Variants in FAM135A observed in about 807,000 individuals in gnomAD.
FAM135A encodes family with sequence similarity 135 member A.
FAM135A carries 79 observed loss-of-function variants against 146.8 expected under a neutral mutation model. The observed-to-expected ratio is 0.54, with a 90% CI of 0.45 to 0.65. The LOEUF is 0.65. Among genes scored for constraint, FAM135A ranks in the 30% least tolerant of loss-of-function variants. FAM135A has a pLI of 0.00. For synonymous variants in FAM135A, 562 were observed against 603.6 expected (o/e 0.93, Z 1.01); for missense variants, 1,623 against 1,758.2 (o/e 0.92, Z 1.38).
intron 4 of FAM135A, among the ~76,000 whole-genome samples, chr6:70,449,605 G>A (rs1776601120): frequency 6.6e-6 from 1 of 151,954 alleles, no homozygotes; most frequent in Admixed American, 6.6e-5. Context: ...AAGGCTATAT[G>A]TAGTATTCTG....
chr6:70,439,284 C>A (rs1773919936), intron 4 of FAM135A, among the ~76,000 whole-genome samples: 1 of 152,148 alleles, frequency 6.6e-6, no homozygotes, highest in Non-Finnish European at 1.5e-5. Flanking sequence ...CACTGGTGGT[C>A]TTGGAGTTTA....
chr6:70,496,939 T>C (rs2128234665), intron 11 of FAM135A, among the ~76,000 whole-genome samples: 1 of 152,302 alleles, frequency 6.6e-6, no homozygotes, highest in South Asian at 2.1e-4. Context: ...TCTGGTAGCG[T>C]TATGCCTCCA....
intron 2 of FAM135A, among the ~76,000 whole-genome samples, chr6:70,416,672 T>A (rs1278736908): frequency 6.6e-6 from 1 of 152,128 alleles, no homozygotes; most frequent in Non-Finnish European, 1.5e-5. Context: ...ATGCCTGTAA[T>A]TCTAGCACTT....
At chr6:70,489,054 T>C (rs967974085) in intron 10 of FAM135A, among the ~76,000 whole-genome samples, 1 of 152,216 alleles carries the variant, frequency 6.6e-6, no homozygotes, top group African/African-American at 2.4e-5. Flanking sequence ...TACCCATTTA[T>C]GCAGTTAGGT....
intron 20 of FAM135A, among the ~76,000 whole-genome samples, chr6:70,543,668 A>C (rs1277904883): frequency 2.6e-5 from 4 of 152,220 alleles, no homozygotes; most frequent in Admixed American, 2.6e-4. Context: ...GGAGCTATGG[A>C]GTTCATACCC....
At chr6:70,416,800 T>C (rs1212848812) in intron 2 of FAM135A, among the ~76,000 whole-genome samples, 1 of 152,154 alleles carries the variant, frequency 6.6e-6, no homozygotes, top group African/African-American at 2.4e-5. Flanking sequence ...AGAATGGTAA[T>C]ATAGAAGAAA....
intron 11 of FAM135A, among the ~76,000 whole-genome samples, chr6:70,491,502 A>G (rs1785970887): frequency 6.6e-6 from 1 of 151,902 alleles, no homozygotes; most frequent in Non-Finnish European, 1.5e-5. Context: ...AATTGAATAT[A>G]TTTGCCTTTC....
rs1356384752 is a variant in FAM135A at position 70,524,964 on chromosome 6, T to C, written c.1880T>C (p.Ile627Thr). 5 of 1,604,440 alleles carry C rather than the reference T, an allele frequency of 3.1e-6. No homozygotes were observed. The Admixed American group carries it at 6.9e-5, about 22-fold the overall frequency. The change falls in exon 15 of 22, where the codon ATT (isoleucine) becomes ACT (threonine). Residue 627 changes from isoleucine (I) to threonine (T), a missense_variant. Transcript: ENST00000418814. Reference sequence around the variant, plus strand: ...GATATCTCCCAGGACGATAGTGAAATTACACAAATGGAACACAATCTGGCA... The same window carrying C: ...GATATCTCCCAGGACGATAGTGAAACTACACAAATGGAACACAATCTGGCA... ...KLDISQDDSE[I>T]TQMEHNLASR... is the part of the protein sequence containing the mutation.
Position 70,482,083 on chromosome 6 carries a change from C to T in FAM135A, c.752C>T (p.Ala251Val), listed in dbSNP as rs1178761138. The stretch of plus-strand genomic sequence containing the variant: ...ACACTTTGTGCCACTTTGCTGCTAG[C>T]CTTCAAGGGATTGCACAGCTACTTC... ...HYTLCATLLL[A>V]FKGLHSYFIT... The change falls in exon 10 of 22, where the codon GCC becomes GTC. Residue 251 changes from alanine (A) to valine (V), a missense_variant. By Grantham distance (64) the Ala-to-Val change is moderately conservative. This residue lies in a region of FAM135A where 206 missense variants were observed against 194.7 expected (regional missense o/e 1.06). Transcript: ENST00000418814. 6.2e-7 allele frequency: 1 copy of T among 1,613,796 alleles called. No homozygotes were observed.
At chr6:70,486,294 T>C in intron 10 of FAM135A, 1 of 1,554,598 alleles carries the variant, frequency 6.4e-7, no homozygotes, top group East Asian at 2.3e-5. Context: ...TTAAAAAGTA[T>C]GAAATTTTGC....
In FAM135A at chr6:70,477,191, G is replaced by A. The variant is rs369747857; in HGVS notation, c.401G>A (p.Ser134Asn). Residue 134 changes from serine to asparagine, a missense_variant, in exon 8 of 22, where the codon AGT becomes AAT. Transcript: ENST00000418814. Reference protein sequence around the residue: ...ADDLNALQLISSRTLKLHFSP... With the variant: ...ADDLNALQLINSRTLKLHFSP... ...GATCTGAATGCCTTGCAACTAATAA[G>A]TAGCCGAACATTGAAGCTGCACTTT... The A allele has an allele frequency of 6.2e-7, 1 of 1,613,482 alleles. No individual in the cohort carries two copies.
chr6:70,509,748 T>G, intron 12 of FAM135A, among the ~76,000 whole-genome samples: 1 of 152,144 alleles, frequency 6.6e-6, no homozygotes, highest in East Asian at 1.9e-4. Context: ...GTGAAATAAC[T>G]TAGCCAAAGT....
intron 5 of FAM135A, among the ~76,000 whole-genome samples, chr6:70,467,196 C>G (rs1780639271): frequency 1.3e-5 from 2 of 152,026 alleles, no homozygotes; most frequent in Admixed American, 6.6e-5. Context: ...GTATAGAATT[C>G]TAGGTTGGAA....
At chr6:70,519,799 A>G (rs1302576413) in intron 12 of FAM135A, among the ~76,000 whole-genome samples, 1 of 152,260 alleles carries the variant, frequency 6.6e-6, no homozygotes, top group Non-Finnish European at 1.5e-5. Flanking sequence ...GAAAAAATTC[A>G]TGTGACTTGC....
At chr6:70,469,064 C>G (rs549773094) in intron 5 of FAM135A, among the ~76,000 whole-genome samples, 1 of 152,270 alleles carries the variant, frequency 6.6e-6, no homozygotes, top group South Asian at 2.1e-4. Flanking sequence ...TTATTTTTCT[C>G]CATAGCACTT....
At chr6:70,452,799 T>C (rs1300929501) in intron 5 of FAM135A, among the ~76,000 whole-genome samples, 1 of 152,146 alleles carries the variant, frequency 6.6e-6, no homozygotes, top group Non-Finnish European at 1.5e-5. Context: ...TATTAAAGTT[T>C]CATGAAAACA....
At chr6:70,446,329 G>T (rs1775742572) in intron 4 of FAM135A, among the ~76,000 whole-genome samples, 1 of 152,118 alleles carries the variant, frequency 6.6e-6, no homozygotes. Flanking sequence ...CCAGATAGTA[G>T]GAACTCTTGC....
rs996717908 is a variant in FAM135A, at chr6:70,477,139, C to T, written c.369-20C>T. 1.2e-6 allele frequency: 2 copies of T among 1,603,652 alleles called. No homozygotes were observed. The highest frequency in any genetic ancestry group is 1.7e-5 in the Admixed American group (1 of 58,882). ...TTACTAAATGTTTCATACTTACATG[C>T]TAAGTGTTCCTTTTTACAGGGCAGA... On this transcript the variant is annotated intron_variant, in intron 7 of 21. Transcript: ENST00000418814.
chr6:70,450,470 C>T (rs1776771577), intron 4 of FAM135A, among the ~76,000 whole-genome samples: 1 of 151,992 alleles, frequency 6.6e-6, no homozygotes, highest in Admixed American at 6.6e-5. Flanking sequence ...GATCTAATTT[C>T]AGTCTTCTGC....
Sources: gnomAD v4.1 joint callset for allele counts (sites outside exome capture counted in the v4.1 genomes callset) on GRCh38, gnomAD v4.1.1 for gene constraint, gnomAD v4.1.1 regional missense constraint, MANE v1.5 for transcripts, NCBI Gene and HGNC (gene_info 2026-07-23, HGNC 2026-07-21) for gene names.